Variants in DIAPH1 observed in about 807,000 individuals in gnomAD.
DIAPH1 encodes the protein diaphanous related formin 1.
Under a neutral mutation model 140.7 loss-of-function variants are expected in DIAPH1, and 46 were observed. That is an observed-to-expected ratio of 0.33 (90% CI 0.26 to 0.42). The LOEUF is 0.42. DIAPH1 is among the 10% of genes least tolerant of loss of function. The pLI, the probability that DIAPH1 is intolerant of heterozygous loss-of-function variation, is 1.00. For missense variants in DIAPH1, 1,310 were observed against 1,558.7 expected, an observed-to-expected ratio of 0.84 and a Z score of 2.69; for synonymous variants, 565 against 551.6, an observed-to-expected ratio of 1.02 and a Z score of -0.34.
At chr5:141,519,380 A>ATGTGTG (rs373188966) in intron 27 of DIAPH1, among the ~76,000 whole-genome samples, 1 of 150,870 alleles carries the variant, frequency 6.6e-6, no homozygotes, top group Non-Finnish European at 1.5e-5. Flanking sequence ...GACTCTGTGC[A>ATGTGTG]TGTGTGTGTG....
intron 15 of DIAPH1, 37 bp from the exon 16 acceptor site, chr5:141,574,245 C>A: frequency 6.2e-7 from 1 of 1,602,636 alleles, no homozygotes; most frequent in South Asian, 1.1e-5. Flanking sequence ...CTTCTCACCC[C>A]ACTTCAGGGA....
intron 18 of DIAPH1, among the ~76,000 whole-genome samples, chr5:141,548,264 T>A (rs1596356299): frequency 2.1e-5 from 3 of 140,492 alleles, no homozygotes; most frequent in Non-Finnish European, 3.1e-5. Flanking sequence ...ACAATAAGAC[T>A]GACAGTGGAA....
At chr5:141,574,636 A>G (rs545926961) in intron 15 of DIAPH1, among the ~76,000 whole-genome samples, 1 of 152,334 alleles carries the variant, frequency 6.6e-6, no homozygotes, top group Admixed American at 6.5e-5. Context: ...ATCTGTGCAG[A>G]GGTGACTAAA....
chr5:141,618,126 GGA>G (rs1466017915), intron 1 of DIAPH1, among the ~76,000 whole-genome samples: 1 of 152,226 alleles, frequency 6.6e-6, no homozygotes, highest in Non-Finnish European at 1.5e-5. Flanking sequence ...GAGGTTCTCT[GGA>G]GAGAGGAATA....
intron 1 of DIAPH1, among the ~76,000 whole-genome samples, chr5:141,604,555 A>AG (rs2154597183): frequency 6.6e-6 from 1 of 152,336 alleles, no homozygotes; most frequent in Non-Finnish European, 1.5e-5. Context: ...CTCTTCCTCA[A>AG]GGGTGGGCAT....
Position 141,527,714 on chromosome 5 carries a change from A to AAAC in DIAPH1, c.3149-18_3149-17insGTT. ...CAGCAGAAACTAAAAAAAAAAAAAA[A>AAAC]AAAAAAAACCATAAAAACAGACAGC... is the stretch of plus-strand genomic sequence containing the variant. On this transcript the variant is annotated splice_polypyrimidine_tract_variant and intron_variant, in intron 23 of 27. Transcript: ENST00000389054. 6.4e-7 allele frequency: 1 copy of AAAC among 1,566,978 alleles called. No homozygotes were observed. The highest frequency in any genetic ancestry group is 1.4e-5 in the African/African-American group (1 of 72,360).
At position 141,529,159 on chromosome 5, in the gene DIAPH1, A is replaced by G; in HGVS notation, c.2778+13T>C. 1 of 1,611,156 alleles carries G rather than the reference A, an allele frequency of 6.2e-7. No individual in the cohort carries two copies. Among genetic ancestry groups the G allele is most frequent in the South Asian group, 1.1e-5 (1 of 91,060 alleles). ...GAGGTGGAAAACCGCTTACTGCCAC[A>G]GGCCTCACTCACCACCACGCCAAAC... On this transcript the variant is annotated intron_variant, in intron 21 of 27. Transcript: ENST00000389054.
chr5:141,550,315 A>T (rs2099891500), intron 18 of DIAPH1, among the ~76,000 whole-genome samples: 1 of 152,196 alleles, frequency 6.6e-6, no homozygotes, highest in South Asian at 2.1e-4. Context: ...CAAAAAATAA[A>T]AACTGAGGAA....
At position 141,526,378 on chromosome 5, in the gene DIAPH1, G is replaced by T. The variant is rs1267459292; in HGVS notation, c.3357C>A (p.Gly1119=). The T allele has an allele frequency of 6.2e-7, 1 of 1,614,040 alleles. No individual in the cohort carries two copies. The highest frequency in any genetic ancestry group is 8.5e-7 in the Non-Finnish European group (1 of 1,179,996). The change falls in exon 25 of 28, where the codon GGC becomes GGA. Residue 1119 remains glycine, a synonymous_variant. Transcript: ENST00000389054. The part of the protein sequence containing the change: ...SNMETLYKEL[G]EYFLFDPKKL... ...TCTTGGGGTCAAAGAGGAAGTACTCGCCCAGCTCCTTATAGAGGGTCTCCA... is the reference window on the plus strand; with the variant it reads ...TCTTGGGGTCAAAGAGGAAGTACTCTCCCAGCTCCTTATAGAGGGTCTCCA...
intron 7 of DIAPH1, chr5:141,581,887 T>C (rs758308352): frequency 7.2e-5 from 12 of 166,122 alleles, no homozygotes; most frequent in Non-Finnish European, 1.6e-4. Flanking sequence ...ACCCCGTCTC[T>C]ACTAAAAATA....
chr5:141,558,442 G>C (rs2099892989), intron 18 of DIAPH1: 1 of 152,176 alleles, frequency 6.6e-6, no homozygotes, highest in Non-Finnish European at 1.5e-5. Flanking sequence ...TGGAGGAGTG[G>C]GGAGTTGCCT....
chr5:141,618,228 G>A (rs368855817), intron 1 of DIAPH1, among the ~76,000 whole-genome samples: 15 of 152,358 alleles, frequency 9.8e-5, no homozygotes, highest in African/African-American at 3.6e-4. Flanking sequence ...GTCCAAAGAA[G>A]GAGTTGGGGG....
intron 27 of DIAPH1, chr5:141,518,890 A>T: frequency 6.6e-7 from 1 of 1,518,570 alleles, no homozygotes; most frequent in Non-Finnish European, 8.9e-7. Flanking sequence ...TTTTCATCCC[A>T]GGAGAGGCTG....
chr5:141,535,278 T>A (rs907570612), intron 18 of DIAPH1, among the ~76,000 whole-genome samples: 4 of 152,090 alleles, frequency 2.6e-5, no homozygotes, highest in African/African-American at 9.7e-5. Context: ...CATGACTTTC[T>A]CTAAAAAAAT....
At chr5:141,528,094 A>G (rs1226467979) in intron 23 of DIAPH1, among the ~76,000 whole-genome samples, 1 of 152,172 alleles carries the variant, frequency 6.6e-6, no homozygotes. Flanking sequence ...TCCAATTTCC[A>G]GTGAATGCTG....
chr5:141,592,672 TC>T (rs1386072710), intron 1 of DIAPH1, among the ~76,000 whole-genome samples: 5 of 152,186 alleles, frequency 3.3e-5, no homozygotes, highest in Non-Finnish European at 5.9e-5. Flanking sequence ...TGCTGTCAAT[TC>T]TCTTCTGGTC....
intron 17 of DIAPH1, chr5:141,571,700 T>C: frequency 1.5e-6 from 1 of 677,210 alleles, no homozygotes; most frequent in Non-Finnish European, 2.7e-6. Context: ...CAAGTTATAC[T>C]GATACAAAAT....
chr5:141,579,325 A>G (rs976142891), intron 8 of DIAPH1, 129 bp from the exon 9 acceptor site: 9 of 809,872 alleles, frequency 1.1e-5, no homozygotes, highest in Non-Finnish European at 1.8e-5. Flanking sequence ...GATTTCTCAC[A>G]TTATTATTCT....
chr5:141,521,272 T>C (rs1295406745), intron 27 of DIAPH1, among the ~76,000 whole-genome samples: 5 of 152,164 alleles, frequency 3.3e-5, no homozygotes, highest in African/African-American at 1.2e-4. Flanking sequence ...ATTTCTTTCT[T>C]CCCTTGGCTT....
Sources: gnomAD v4.1 joint callset for allele counts (sites outside exome capture counted in the v4.1 genomes callset) on GRCh38, gnomAD v4.1.1 for gene constraint, MANE v1.5 for transcripts, NCBI Gene and HGNC (gene_info 2026-07-23, HGNC 2026-07-21) for gene names.